The following MCUB variants were observed in gnomAD, a reference collection of about 807,000 sequenced individuals.
MCUB encodes the protein calcium uniporter regulatory subunit MCUb, mitochondrial.
A neutral mutation model predicts 41.4 loss-of-function variants in MCUB; 46 were observed. That is an observed-to-expected ratio of 1.11 (90% confidence interval 0.88 to 1.42). The LOEUF (loss-of-function observed/expected upper bound fraction) is 1.42, where lower values mean the gene tolerates loss of function less well. Among genes scored for constraint, MCUB ranks in the 40% most tolerant of loss-of-function variants. The probability of loss-of-function intolerance (pLI) is 0.00; values close to 1 mark genes in which losing one functional copy is unlikely to be tolerated. For synonymous variants in MCUB, 148 were observed against 148.2 expected, an observed-to-expected ratio of 1.00 and a Z score of 0.01; for missense variants, 403 against 404.9, an observed-to-expected ratio of 1.00 and a Z score of 0.04.
At chr4:109,620,395 A>T (rs1728227530) in intron 1 of MCUB, among the ~76,000 whole-genome samples, 1 of 151,290 alleles carries the variant, frequency 6.6e-6, no homozygotes, top group East Asian at 1.9e-4. Context: ...ATTGTATCAG[A>T]ATTTTATTCA....
intron 1 of MCUB, among the ~76,000 whole-genome samples, chr4:109,563,269 T>G (rs1424865516): frequency 6.6e-6 from 1 of 152,204 alleles, no homozygotes; most frequent in East Asian, 1.9e-4. Context: ...TAAGCTATGT[T>G]TAAAAAATTT....
At chr4:109,661,583 A>G (rs1729232430) in intron 3 of MCUB, among the ~76,000 whole-genome samples, 1 of 152,160 alleles carries the variant, frequency 6.6e-6, no homozygotes, top group African/African-American at 2.4e-5. Context: ...TTAGGAGGAG[A>G]AAAAAACAAG....
At chr4:109,597,554 A>T (rs1308017275) in intron 1 of MCUB, among the ~76,000 whole-genome samples, 14 of 133,930 alleles carry the variant, frequency 1.0e-4, no homozygotes, top group South Asian at 2.5e-4. Context: ...GGCCGGGCAG[A>T]GGGGCTCCTC....
At chr4:109,615,393 T>G (rs990247176) in intron 1 of MCUB, among the ~76,000 whole-genome samples, 2 of 151,950 alleles carry the variant, frequency 1.3e-5, no homozygotes, top group African/African-American at 4.8e-5. Flanking sequence ...AGTATTATTA[T>G]CATAGATGTG....
At chr4:109,566,252 G>A (rs1446396054) in intron 1 of MCUB, among the ~76,000 whole-genome samples, 1 of 151,448 alleles carries the variant, frequency 6.6e-6, no homozygotes, top group Non-Finnish European at 1.5e-5. Flanking sequence ...GGCAGATCAC[G>A]AGGTGAGGAG....
chr4:109,567,170 T>C (rs978355653), intron 1 of MCUB, among the ~76,000 whole-genome samples: 1 of 146,322 alleles, frequency 6.8e-6, no homozygotes, highest in Non-Finnish European at 1.5e-5. Flanking sequence ...TGGACACAGG[T>C]GGTATTATAT....
At chr4:109,570,174 T>C (rs1416472413) in intron 1 of MCUB, among the ~76,000 whole-genome samples, 1 of 152,238 alleles carries the variant, frequency 6.6e-6, no homozygotes, top group Non-Finnish European at 1.5e-5. Flanking sequence ...TACTGCTCAT[T>C]TGGTACTTCT....
chr4:109,576,842 T>G (rs1393199937), intron 1 of MCUB, among the ~76,000 whole-genome samples: 1 of 152,074 alleles, frequency 6.6e-6, no homozygotes, highest in Non-Finnish European at 1.5e-5. Context: ...TACTCAGAAA[T>G]TCTTTCTTTT....
intron 1 of MCUB, among the ~76,000 whole-genome samples, chr4:109,606,476 A>G (rs1429360097): frequency 6.6e-6 from 1 of 151,274 alleles, no homozygotes; most frequent in Non-Finnish European, 1.5e-5. Context: ...AGATTTTCTC[A>G]GGTGGTATGA....
chr4:109,653,586 T>G (rs966426651), intron 1 of MCUB, among the ~76,000 whole-genome samples: 4 of 151,590 alleles, frequency 2.6e-5, no homozygotes, highest in African/African-American at 9.7e-5. Context: ...TTAAGGTGGG[T>G]TTTTTTTGAG....
At chr4:109,617,237 C>T (rs1459296735) in intron 1 of MCUB, among the ~76,000 whole-genome samples, 5 of 152,202 alleles carry the variant, frequency 3.3e-5, no homozygotes, top group African/African-American at 1.2e-4. Context: ...ATTCCCTTAG[C>T]TCATTGGTTT....
intron 1 of MCUB, chr4:109,648,724 CAAAAAAAAA>C: frequency 4.2e-6 from 1 of 235,598 alleles, no homozygotes; most frequent in Admixed American, 6.8e-5. Flanking sequence ...TACAGAGAAG[CAAAAAAAAA>C]AAAAAAAATC....
intron 1 of MCUB, among the ~76,000 whole-genome samples, chr4:109,627,919 A>C (rs77378167): frequency 0.028 from 1,137 of 40,936 alleles, 7 homozygotes; most frequent in African/African-American, 0.06. Context: ...TCTCAGAAGA[A>C]AAAAAAAAAA....
chr4:109,598,187 C>T (rs1378659676), intron 1 of MCUB, among the ~76,000 whole-genome samples: 43 of 148,624 alleles, frequency 2.9e-4, no homozygotes, highest in Middle Eastern at 6.9e-3. Flanking sequence ...ACTTCCCAGA[C>T]GGGGTGGCGG....
intron 1 of MCUB, among the ~76,000 whole-genome samples, chr4:109,596,739 T>A (rs1313860613): frequency 8.6e-5 from 13 of 151,004 alleles, no homozygotes; most frequent in Admixed American, 2.0e-4. Flanking sequence ...TTTTTTTTTT[T>A]AATTTATTTT....
In MCUB at chr4:109,560,405, C is replaced by G; in HGVS notation, c.68C>G (p.Ala23Gly). 1 of 1,318,382 alleles carries G rather than the reference C, an allele frequency of 7.6e-7. No homozygotes were observed. The highest frequency in any genetic ancestry group is 9.7e-7 in the Non-Finnish European group (1 of 1,033,750). The allele number at this position is 1,318,382 out of a possible 1,614,324, so 81.7% of individuals were successfully genotyped here. A position where few individuals can be genotyped will look rare whatever the true frequency, so the allele number is the denominator to read the frequency against. ...LLPTPGTWRP[A>G]RPWPLPPPPQ... Reference sequence around the variant, plus strand: ...CCGACCCCTGGCACCTGGCGCCCAGCGCGCCCGTGGCCGCTGCCGCCTCCG... The same window carrying G: ...CCGACCCCTGGCACCTGGCGCCCAGGGCGCCCGTGGCCGCTGCCGCCTCCG... Residue 23 changes from alanine (A) to glycine (G), a missense_variant, in exon 1 of 8, where the codon GCG becomes GGG. Physicochemically the swap from Ala to Gly is moderately conservative, Grantham distance 60 (BLOSUM62 0). Transcript: ENST00000394650.
At chr4:109,676,296 T>C (rs1032786196) in intron 4 of MCUB, among the ~76,000 whole-genome samples, 4 of 152,152 alleles carry the variant, frequency 2.6e-5, no homozygotes, top group Admixed American at 6.5e-5. Flanking sequence ...CCCGGCACTT[T>C]AGGAGGCTGA....
At chr4:109,683,901 T>C (rs1300672208) in intron 5 of MCUB, among the ~76,000 whole-genome samples, 3 of 152,206 alleles carry the variant, frequency 2.0e-5, no homozygotes, top group Non-Finnish European at 4.4e-5. Flanking sequence ...TACTATTCAT[T>C]TTTCCAAGGG....
chr4:109,587,146 T>C (rs941430825), intron 1 of MCUB, among the ~76,000 whole-genome samples: 2 of 152,246 alleles, frequency 1.3e-5, no homozygotes, highest in Non-Finnish European at 2.9e-5. Context: ...TTTGTTTACC[T>C]ACTCAAGCCT....
Sources: gnomAD v4.1 joint callset for allele counts (sites outside exome capture counted in the v4.1 genomes callset) on GRCh38, gnomAD v4.1.1 for gene constraint, MANE v1.5 for transcripts, NCBI Gene and HGNC (gene_info 2026-07-23, HGNC 2026-07-21) for gene names.